The following SLC2A9 variants were observed in gnomAD, a reference collection of about 807,000 sequenced individuals.
SLC2A9 encodes the protein solute carrier family 2, facilitated glucose transporter member 9.
In SLC2A9, 39 loss-of-function variants were observed where a neutral mutation model predicts 50.6. The ratio of observed to expected loss-of-function variants is 0.77; its 90% CI spans 0.60 to 1.01. The LOEUF (loss-of-function observed/expected upper bound fraction) is 1.01, where lower values mean the gene tolerates loss of function less well. Ranked by LOEUF, SLC2A9 falls within the 50% of genes least tolerant of loss-of-function variation. The pLI, the probability that SLC2A9 is intolerant of heterozygous loss-of-function variation, is 0.00. For missense variants in SLC2A9, 686 were observed against 677.6 expected (o/e 1.01, Z -0.14); for synonymous variants, 324 against 276.9 (o/e 1.17, Z -1.69).
At chr4:9,779,525 C>G (rs896895030), downstream of SLC2A9, among the ~76,000 whole-genome samples, 1 of 151,844 alleles carries the variant, frequency 6.6e-6, no homozygotes, top group Admixed American at 6.6e-5. Flanking sequence ...CGCCATTCTC[C>G]TGCCTCAGCC....
intron 10 of SLC2A9, among the ~76,000 whole-genome samples, chr4:9,874,296 A>G (rs1216370379): frequency 6.6e-6 from 1 of 152,174 alleles, no homozygotes; most frequent in African/African-American, 2.4e-5. Flanking sequence ...AAGTTAGTAC[A>G]TTATTGAATA....
At chr4:9,782,761 C>G (rs1718646361) in intron 3 of SLC2A9, 2 of 1,614,018 alleles carry the variant, frequency 1.2e-6, no homozygotes, top group South Asian at 1.1e-5. Flanking sequence ...TGATCGTGAC[C>G]TACACGCGCA....
At chr4:9,831,854 G>A (rs1039052178) in intron 11 of SLC2A9, among the ~76,000 whole-genome samples, 1 of 152,174 alleles carries the variant, frequency 6.6e-6, no homozygotes, top group Non-Finnish European at 1.5e-5. Flanking sequence ...CCCCCTGAGT[G>A]TTCTTCCAGC....
In SLC2A9 at chr4:9,902,387, C is replaced by T. The variant is rs374949845; in HGVS notation, c.1113+5848G>A. On this transcript the variant is annotated intron_variant, in intron 8 of 11. Coordinates refer to ENST00000264784, the MANE Select transcript of SLC2A9 (RefSeq NM_020041.3). The stretch of plus-strand genomic sequence containing the variant: ...GGAAGAAGCATCCTGGCCTTGGGCT[C>T]GTCTTCTAGTCTTTGAGAGGTAGCA... 3.3e-5 allele frequency among the ~76,000 whole-genome samples: 5 copies of T among 152,314 alleles called. No homozygotes were observed. The East Asian group carries it at 5.8e-4, about 18-fold the overall frequency.
In SLC2A9 at chr4:10,021,437, A is replaced by C. The variant is rs114860720; in HGVS notation, c.-8T>G. The C allele has an allele frequency of 1.1e-3, 1,805 of 1,614,136 alleles. 16 individuals carry two copies. The African/African-American group carries it at 0.019, about 17-fold the overall frequency. ...ATTTTGTTTCCTTGCCATGGGTCTC[A>C]GTGACCCAGCTGATGGCTCAGTCCA... is the stretch of plus-strand genomic sequence containing the variant. On this transcript the variant is annotated 5_prime_UTR_variant, in exon 1 of 12. Coordinates refer to ENST00000264784, the MANE Select transcript of SLC2A9 (RefSeq NM_020041.3).
At chr4:10,019,933 G>A (rs1763294828) in intron 1 of SLC2A9, among the ~76,000 whole-genome samples, 1 of 152,364 alleles carries the variant, frequency 6.6e-6, no homozygotes. Flanking sequence ...CATGAGCCAG[G>A]GCAGGAGGGA....
chr4:9,813,177 A>G (rs993830880), intron 3 of SLC2A9, among the ~76,000 whole-genome samples: 2 of 152,188 alleles, frequency 1.3e-5, no homozygotes, highest in Non-Finnish European at 2.9e-5. Context: ...TATATGGAAA[A>G]TGTGGGGCAG....
At chr4:9,968,229 C>T (rs1381683262) in intron 5 of SLC2A9, among the ~76,000 whole-genome samples, 1 of 152,094 alleles carries the variant, frequency 6.6e-6, no homozygotes, top group African/African-American at 2.4e-5. Context: ...CTTCATTTCT[C>T]AAGGTGGAGT....
At chr4:9,856,211 T>G (rs1238043171) in intron 10 of SLC2A9, among the ~76,000 whole-genome samples, 1 of 152,188 alleles carries the variant, frequency 6.6e-6, no homozygotes, top group African/African-American at 2.4e-5. Context: ...TTGCAAACTA[T>G]GCATCTGACA....
At chr4:9,815,106 C>A (rs1394608960) in intron 3 of SLC2A9, among the ~76,000 whole-genome samples, 2 of 152,076 alleles carry the variant, frequency 1.3e-5, no homozygotes, top group Admixed American at 6.6e-5. Context: ...GGGTTGTCTC[C>A]AGCATCATAC....
intron 5 of SLC2A9, among the ~76,000 whole-genome samples, chr4:9,964,300 C>A (rs942179348): frequency 8.5e-5 from 13 of 152,132 alleles, no homozygotes; most frequent in Non-Finnish European, 1.8e-4. Flanking sequence ...GCCAGTTCTG[C>A]TGGTCCTGGG....
intron 4 of SLC2A9, among the ~76,000 whole-genome samples, chr4:9,981,463 T>C (rs80330117): frequency 0.017 from 2,645 of 152,278 alleles, 87 homozygotes; most frequent in African/African-American, 0.059. Context: ...CTTTTAACAA[T>C]AGTCTTCTGA....
intron 10 of SLC2A9, among the ~76,000 whole-genome samples, chr4:9,852,542 G>A (rs899884069): frequency 5.3e-5 from 8 of 152,102 alleles, no homozygotes; most frequent in East Asian, 1.9e-4. Context: ...ATGAGCCACC[G>A]CGCCCGGCCT....
intron 10 of SLC2A9, among the ~76,000 whole-genome samples, chr4:9,836,149 G>A (rs1434756242): frequency 6.6e-6 from 1 of 151,062 alleles, no homozygotes; most frequent in Non-Finnish European, 1.5e-5. Context: ...GGAACTCGGG[G>A]GAAAGGGTGG....
At chr4:9,834,640 C>G (rs1003649474) in intron 11 of SLC2A9, among the ~76,000 whole-genome samples, 1 of 152,178 alleles carries the variant, frequency 6.6e-6, no homozygotes, top group Admixed American at 6.5e-5. Context: ...TGCATACCGT[C>G]AGCAATGGGT....
intron 6 of SLC2A9, among the ~76,000 whole-genome samples, chr4:9,930,878 T>C (rs1745774898): frequency 6.6e-6 from 1 of 152,134 alleles, no homozygotes; most frequent in African/African-American, 2.4e-5. Flanking sequence ...TCAATCATAT[T>C]GTGGAAGGGA....
chr4:9,925,790 G>A (rs1479346274), intron 6 of SLC2A9, among the ~76,000 whole-genome samples: 2 of 152,148 alleles, frequency 1.3e-5, no homozygotes, highest in South Asian at 2.1e-4. Flanking sequence ...ACACAGAAGC[G>A]GGGGAGGGCT....
intron 3 of SLC2A9, among the ~76,000 whole-genome samples, chr4:9,803,703 G>A (rs1236639581): frequency 6.6e-6 from 1 of 152,166 alleles, no homozygotes; most frequent in Non-Finnish European, 1.5e-5. Context: ...TGTCTGGTCT[G>A]CCTACCCCAT....
chr4:9,940,989 A>G (rs895452016), intron 6 of SLC2A9, among the ~76,000 whole-genome samples: 7 of 152,206 alleles, frequency 4.6e-5, no homozygotes, highest in Non-Finnish European at 1.0e-4. Flanking sequence ...TGGCCCCATG[A>G]GGGAAGTTTA....
Sources: gnomAD v4.1 joint callset for allele counts (sites outside exome capture counted in the v4.1 genomes callset) on GRCh38, gnomAD v4.1.1 for gene constraint, MANE v1.5 for transcripts, NCBI Gene and HGNC (gene_info 2026-07-23, HGNC 2026-07-21) for gene names.